PIEZO2: variants seen among roughly 807,000 people sequenced by gnomAD.
PIEZO2 encodes the protein piezo type mechanosensitive ion channel component 2.
A neutral mutation model predicts 337.3 loss-of-function variants in PIEZO2; 172 were observed. The observed-to-expected ratio is 0.51, with a 90% CI of 0.45 to 0.58. The LOEUF (loss-of-function observed/expected upper bound fraction) is 0.58, where lower values mean the gene tolerates loss of function less well. Among genes scored for constraint, PIEZO2 ranks in the 20% least tolerant of loss-of-function variants. The pLI, the probability that PIEZO2 is intolerant of heterozygous loss-of-function variation, is 0.00. For missense variants in PIEZO2, 3,028 were observed against 3,391.3 expected (o/e 0.89, Z 2.66); for synonymous variants, 1,251 against 1,228.5 (o/e 1.02, Z -0.38).
intron 3 of PIEZO2, among the ~76,000 whole-genome samples, chr18:10,964,642 T>C (rs867103617): frequency 6.6e-6 from 1 of 152,192 alleles, no homozygotes; most frequent in Non-Finnish European, 1.5e-5. Context: ...TCAGGGCTAT[T>C]ACTCAAACTG....
chr18:10,717,612 T>A (rs1466590470), intron 37 of PIEZO2, among the ~76,000 whole-genome samples: 5 of 152,164 alleles, frequency 3.3e-5, no homozygotes, highest in African/African-American at 9.7e-5. Context: ...TGCATAAAGA[T>A]ACCTTCCTCC....
rs2041652486 is a variant in PIEZO2 at position 10,854,682 on chromosome 18, C to A, written c.917+671G>T. Among the ~76,000 whole-genome samples, 3 of 152,142 alleles carry A rather than the reference C, an allele frequency of 2.0e-5. No individual in the cohort carries two copies. The highest frequency in any genetic ancestry group is 1.3e-4 in the Admixed American group (2 of 15,264). On this transcript the variant is annotated intron_variant, in intron 7 of 55. Coordinates refer to ENST00000674853, the MANE Select transcript of PIEZO2 (RefSeq NM_001378183.1). This position sits in a 1 kb window ranked among gnomAD's most constrained non-coding sequence, Gnocchi z 4.6. ...ATGTTTCTCCCTTTCTCTCTCACACCAGAGACTTATGTATTTTCTTATTTA... is the reference window on the plus strand; with the variant it reads ...ATGTTTCTCCCTTTCTCTCTCACACAAGAGACTTATGTATTTTCTTATTTA...
In PIEZO2 at chr18:10,673,421, C is replaced by G. The variant is rs1402120979; in HGVS notation, c.8162-548G>C. ...GACAAGGTCTGTTGGCTTAGAGAGA[C>G]CACTTCTGGATAGTATGCTCCATGG... is the stretch of plus-strand genomic sequence containing the variant. On this transcript the variant is annotated intron_variant, in intron 54 of 55. Coordinates refer to ENST00000674853, the MANE Select transcript of PIEZO2 (RefSeq NM_001378183.1). This position sits in a 1 kb window ranked among gnomAD's most constrained non-coding sequence, Gnocchi z 4.8. Among the ~76,000 whole-genome samples, 5 of 152,238 alleles carry G rather than the reference C, an allele frequency of 3.3e-5. No individual in the cohort carries two copies. The highest frequency in any genetic ancestry group is 4.2e-4 in the South Asian group (2 of 4,814).
rs142871199 is a variant in PIEZO2, at chr18:11,129,050, C to T, written c.64+19475G>A. Among the ~76,000 whole-genome samples, 198 of 152,240 alleles carry T rather than the reference C, an allele frequency of 1.3e-3. No homozygotes were observed. Among genetic ancestry groups the T allele is most frequent in the African/African-American group, 4.4e-3 (182 of 41,546 alleles). On this transcript the variant is annotated intron_variant, in intron 1 of 55. Coordinates refer to ENST00000674853, the MANE Select transcript of PIEZO2 (RefSeq NM_001378183.1). The surrounding 1 kb of genome is among the most constrained non-coding windows in gnomAD (Gnocchi z 4.6). ...GGATTAAAAGATGGCCCACTATGAG[C>T]GAGCTGGAAATGCCTGATCTCCCTC...
In PIEZO2 at chr18:11,128,837, A is replaced by C. The variant is rs2040259099; in HGVS notation, c.64+19688T>G. 6.6e-6 allele frequency among the ~76,000 whole-genome samples: 1 copy of C among 152,160 alleles called. No homozygotes were observed. Among genetic ancestry groups the C allele is most frequent in the Non-Finnish European group, 1.5e-5 (1 of 68,034 alleles). On this transcript the variant is annotated intron_variant, in intron 1 of 55. Coordinates refer to ENST00000674853, the MANE Select transcript of PIEZO2 (RefSeq NM_001378183.1). This position sits in a 1 kb window ranked among gnomAD's most constrained non-coding sequence, Gnocchi z 4.1. Reference sequence around the variant, plus strand: ...TGTTTGAGTTCTCTAATTTATATAAACAACAATCTGGAGAACAGGCCTGGG... The same window carrying C: ...TGTTTGAGTTCTCTAATTTATATAACCAACAATCTGGAGAACAGGCCTGGG...
At chr18:11,015,938 G>A (rs77843080) in intron 2 of PIEZO2, among the ~76,000 whole-genome samples, 1,904 of 152,144 alleles carry the variant, frequency 0.013, 44 homozygotes, top group African/African-American at 0.044. Context: ...TTTTTGTAAG[G>A]CTTCTTTGTT....
chr18:10,910,191 G>A (rs542698025), intron 4 of PIEZO2, among the ~76,000 whole-genome samples: 3 of 152,218 alleles, frequency 2.0e-5, no homozygotes, highest in African/African-American at 7.2e-5. Context: ...TCTTTCAATA[G>A]CTATATTTCC....
At chr18:10,817,639 T>C (rs1011540203) in intron 7 of PIEZO2, among the ~76,000 whole-genome samples, 1 of 152,152 alleles carries the variant, frequency 6.6e-6, no homozygotes, top group African/African-American at 2.4e-5. Flanking sequence ...AGTAGGACTT[T>C]ATGGCTGGGC....
chr18:11,148,740 C>G lies in PIEZO2; in HGVS notation c.-152G>C. On this transcript the variant is annotated 5_prime_UTR_variant, in exon 1 of 56. Coordinates refer to ENST00000674853, the MANE Select transcript of PIEZO2 (RefSeq NM_001378183.1). This position sits in a 1 kb window ranked among gnomAD's most constrained non-coding sequence, Gnocchi z 5.2. ...TCGGCGCGGGCCGCGACGCTCTCCGCCCCGAGGGCACGCTCCCGGGGCTCT... is the reference window on the plus strand; with the variant it reads ...TCGGCGCGGGCCGCGACGCTCTCCGGCCCGAGGGCACGCTCCCGGGGCTCT... The G allele has an allele frequency of 1.3e-6, 1 of 748,424 alleles. No individual in the cohort carries two copies. The highest frequency in any genetic ancestry group is 1.8e-5 in the South Asian group (1 of 54,110). The allele number at this position is 748,424 out of a possible 1,614,324, so 46.4% of individuals were successfully genotyped here. A position where few individuals can be genotyped will look rare whatever the true frequency, so the allele number is the denominator to read the frequency against.
chr18:10,726,353 C>A lies in PIEZO2; in HGVS notation c.5029+5054G>T. On this transcript the variant is annotated intron_variant, in intron 36 of 55. Coordinates refer to ENST00000674853, the MANE Select transcript of PIEZO2 (RefSeq NM_001378183.1). This position sits in a 1 kb window ranked among gnomAD's most constrained non-coding sequence, Gnocchi z 5.9. ...CGCCCCGCCCAGCGCTGCCTCCCTT[C>A]GCCTTCCCCGCAGGCACCCACTACC... 1 of 1,504,038 alleles carries A rather than the reference C, an allele frequency of 6.6e-7. No individual in the cohort carries two copies. Among genetic ancestry groups the A allele is most frequent in the South Asian group, 1.3e-5 (1 of 77,912 alleles). The allele number at this position is 1,504,038 out of a possible 1,614,324, so 93.2% of individuals were successfully genotyped here. A position where few individuals can be genotyped will look rare whatever the true frequency, so the allele number is the denominator to read the frequency against.
Position 11,035,048 on chromosome 18 carries a change from G to C in PIEZO2, c.160+31079C>G, listed in dbSNP as rs563828227. 2.0e-5 allele frequency among the ~76,000 whole-genome samples: 3 copies of C among 152,208 alleles called. No homozygotes were observed. Among genetic ancestry groups the C allele is most frequent in the African/African-American group, 7.2e-5 (3 of 41,444 alleles). On this transcript the variant is annotated intron_variant, in intron 2 of 55. Coordinates refer to ENST00000674853, the MANE Select transcript of PIEZO2 (RefSeq NM_001378183.1). This position sits in a 1 kb window ranked among gnomAD's most constrained non-coding sequence, Gnocchi z 4.3. ...GCAGAGCAAAGCAGAAGCAACCCCAGTTCCCAAATGCATGGCAAGCTCATT... is the reference window on the plus strand; with the variant it reads ...GCAGAGCAAAGCAGAAGCAACCCCACTTCCCAAATGCATGGCAAGCTCATT...
chr18:10,792,698 T>C (rs1451663292), intron 13 of PIEZO2, among the ~76,000 whole-genome samples: 9 of 152,252 alleles, frequency 5.9e-5, no homozygotes, highest in Non-Finnish European at 1.2e-4. Context: ...GGATCATTTC[T>C]ATATTTTAGC....
chr18:11,034,519 T>G (rs914421686), intron 2 of PIEZO2, among the ~76,000 whole-genome samples: 2 of 152,126 alleles, frequency 1.3e-5, no homozygotes, highest in African/African-American at 4.8e-5. Flanking sequence ...GGTCTCGATC[T>G]CCTGACCTCG....
chr18:11,030,553 C>A (rs952749487), intron 2 of PIEZO2, among the ~76,000 whole-genome samples: 1 of 152,168 alleles, frequency 6.6e-6, no homozygotes, highest in Non-Finnish European at 1.5e-5. Context: ...CATTTATTCA[C>A]CATGATGTTG....
rs2040335779 is a variant in PIEZO2 at position 11,131,356 on chromosome 18, C to T, written c.64+17169G>A. On this transcript the variant is annotated intron_variant, in intron 1 of 55. Coordinates refer to ENST00000674853, the MANE Select transcript of PIEZO2 (RefSeq NM_001378183.1). This position sits in a 1 kb window ranked among gnomAD's most constrained non-coding sequence, Gnocchi z 5.3. ...GGCTCGAATGCCTATCATCTCCACCCCTGCTACCCTGTCTTCTCTCCCACA... is the reference window on the plus strand; with the variant it reads ...GGCTCGAATGCCTATCATCTCCACCTCTGCTACCCTGTCTTCTCTCCCACA... Among the ~76,000 whole-genome samples the T allele has an allele frequency of 6.6e-6, 1 of 152,166 alleles. No homozygotes were observed. The highest frequency in any genetic ancestry group is 1.5e-5 in the Non-Finnish European group (1 of 68,040).
chr18:10,884,800 A>C (rs1224529454), intron 4 of PIEZO2, among the ~76,000 whole-genome samples: 1 of 152,226 alleles, frequency 6.6e-6, no homozygotes, highest in Admixed American at 6.5e-5. Flanking sequence ...ACAGAGTAGC[A>C]CATTTATCCT....
chr18:10,820,956 G>T (rs113886806), intron 7 of PIEZO2, among the ~76,000 whole-genome samples: 1 of 152,148 alleles, frequency 6.6e-6, no homozygotes, highest in Non-Finnish European at 1.5e-5. Context: ...TAACTTTACA[G>T]TTCCTCAATT....
rs568188578 is a variant in PIEZO2 at position 11,062,926 on chromosome 18, T to C, written c.160+3201A>G. ...CATTACTGGGTATATACCCAAAGGATTATAAATCATGCTGCTATAAAGACA... is the reference window on the plus strand; with the variant it reads ...CATTACTGGGTATATACCCAAAGGACTATAAATCATGCTGCTATAAAGACA... On this transcript the variant is annotated intron_variant, in intron 2 of 55. Transcript: ENST00000674853. Among the ~76,000 whole-genome samples, 8 of 152,282 alleles carry C rather than the reference T, an allele frequency of 5.3e-5. No individual in the cohort carries two copies. In the South Asian group the frequency reaches 1.5e-3, roughly 28 times the overall value.
chr18:10,754,502 A>G (rs1465967646), intron 27 of PIEZO2, among the ~76,000 whole-genome samples: 2 of 152,220 alleles, frequency 1.3e-5, no homozygotes, highest in Non-Finnish European at 2.9e-5. Flanking sequence ...ATTTGAAATA[A>G]CTAAAACAAA....
Sources: allele counts gnomAD v4.1 joint callset (sites outside exome capture counted in the v4.1 genomes callset), GRCh38; gene constraint gnomAD v4.1.1; non-coding constraint Gnocchi (gnomAD v3.1); transcripts MANE v1.5; gene names NCBI Gene and HGNC (gene_info 2026-07-23, HGNC 2026-07-21).